The following AGMO variants were observed in gnomAD, a reference collection of about 807,000 sequenced individuals.
AGMO encodes the protein glyceryl-ether monooxygenase.
Under a neutral mutation model 60.2 loss-of-function variants are expected in AGMO, and 75 were observed. That is an observed-to-expected ratio of 1.25 (90% CI 1.03 to 1.51). The LOEUF is 1.51. Ranked by LOEUF, AGMO falls within the 40% of genes most tolerant of loss-of-function variation. The probability of loss-of-function intolerance (pLI) is 0.00; values close to 1 mark genes in which losing one functional copy is unlikely to be tolerated. For synonymous variants in AGMO, 261 were observed against 177.1 expected, an observed-to-expected ratio of 1.47 and a Z score of -3.76; for missense variants, 763 against 525.5, an observed-to-expected ratio of 1.45 and a Z score of -4.42.
intron 3 of AGMO, among the ~76,000 whole-genome samples, chr7:15,494,448 G>A (rs919845766): frequency 6.6e-6 from 1 of 152,100 alleles, no homozygotes; most frequent in African/African-American, 2.4e-5. Flanking sequence ...TGCAATTATA[G>A]TATAAATACA....
intron 2 of AGMO, among the ~76,000 whole-genome samples, chr7:15,547,196 C>G (rs546178787): frequency 2.6e-5 from 4 of 151,282 alleles, no homozygotes; most frequent in African/African-American, 9.6e-5. Flanking sequence ...CTCACCTCAG[C>G]TATGACTACA....
At chr7:15,545,050 G>C (rs945485886) in intron 2 of AGMO, 127 bp from the exon 3 acceptor site, 1 of 636,318 alleles carries the variant, frequency 1.6e-6, no homozygotes, top group Non-Finnish European at 2.3e-6. Flanking sequence ...CTTCTACTTT[G>C]TGTCTTCTAT....
the AGMO span, among the ~76,000 whole-genome samples, chr7:15,191,160 T>C: frequency 6.6e-6 from 1 of 152,190 alleles, no homozygotes; most frequent in Non-Finnish European, 1.5e-5. Context: ...AAAATTTCTA[T>C]TTTAAATAAA....
chr7:15,122,168 G>T, the AGMO span, among the ~76,000 whole-genome samples: 1 of 152,072 alleles, frequency 6.6e-6, no homozygotes, highest in African/African-American at 2.4e-5. Context: ...TTTGTCAAAG[G>T]TCTAATATCC....
chr7:15,157,249 A>G, the AGMO span, among the ~76,000 whole-genome samples: 2 of 152,194 alleles, frequency 1.3e-5, no homozygotes, highest in East Asian at 3.9e-4. Context: ...CAAATGAGGA[A>G]GGACCATGAG....
the AGMO span, among the ~76,000 whole-genome samples, chr7:15,165,689 C>G: frequency 6.6e-6 from 1 of 152,020 alleles, no homozygotes; most frequent in Admixed American, 6.6e-5. Context: ...CATTATGTTA[C>G]TTAAATGAAT....
intron 4 of AGMO, among the ~76,000 whole-genome samples, chr7:15,430,155 T>C (rs1481022050): frequency 6.6e-6 from 1 of 152,002 alleles, no homozygotes; most frequent in Non-Finnish European, 1.5e-5. Flanking sequence ...TGGCACATAG[T>C]ACGTACTTAT....
chr7:15,255,391 C>T (rs781053238), intron 12 of AGMO, among the ~76,000 whole-genome samples: 3 of 152,026 alleles, frequency 2.0e-5, no homozygotes, highest in Non-Finnish European at 4.4e-5. Flanking sequence ...CTGATATTTT[C>T]GCTGCCGAAT....
intron 12 of AGMO, among the ~76,000 whole-genome samples, chr7:15,338,453 T>G (rs1781731247): frequency 1.9e-5 from 2 of 104,940 alleles, no homozygotes; most frequent in Admixed American, 8.8e-5. Context: ...GATTTGGCAT[T>G]GTGATGCTCT....
intron 12 of AGMO, among the ~76,000 whole-genome samples, chr7:15,292,875 A>G (rs1296561838): frequency 6.8e-6 from 1 of 147,798 alleles, no homozygotes; most frequent in Non-Finnish European, 1.5e-5. Context: ...CTCCTGCCTC[A>G]ACCTACCGAG....
intron 12 of AGMO, among the ~76,000 whole-genome samples, chr7:15,359,183 G>GGA (rs369521018): frequency 4.0e-5 from 6 of 151,564 alleles, no homozygotes; most frequent in South Asian, 2.1e-4. Flanking sequence ...CAGCTACTCG[G>GGA]GAGGCTGAGG....
intron 12 of AGMO, among the ~76,000 whole-genome samples, chr7:15,324,572 C>G (rs1781278975): frequency 6.6e-6 from 1 of 152,154 alleles, no homozygotes; most frequent in Non-Finnish European, 1.5e-5. Context: ...TCCCCCTCAT[C>G]TCCCTCACTC....
chr7:15,390,539 A>T (rs2128485073), intron 8 of AGMO, 132 bp downstream of exon 8: 2 of 550,610 alleles, frequency 3.6e-6, no homozygotes, highest in East Asian at 6.3e-5. Flanking sequence ...GTTATTTGTA[A>T]ATTTTTTAAC....
chr7:15,532,319 G>A (rs532527513), intron 3 of AGMO, among the ~76,000 whole-genome samples: 58 of 152,288 alleles, frequency 3.8e-4, no homozygotes, highest in Non-Finnish European at 6.5e-4. Flanking sequence ...TCAAGAAACG[G>A]CAAAGCCCAT....
chr7:15,189,023 A>T, the AGMO span, among the ~76,000 whole-genome samples: 1 of 152,224 alleles, frequency 6.6e-6, no homozygotes, highest in Non-Finnish European at 1.5e-5. Context: ...AGCTGGAAGT[A>T]GAAGTGAGAT....
chr7:15,182,026 G>T, the AGMO span, among the ~76,000 whole-genome samples: 2 of 152,270 alleles, frequency 1.3e-5, no homozygotes, highest in South Asian at 4.1e-4. Flanking sequence ...ATATCATTCA[G>T]ACTTGAAAAC....
chr7:15,237,147 C>T (rs1782446863), intron 12 of AGMO, among the ~76,000 whole-genome samples: 1 of 152,056 alleles, frequency 6.6e-6, no homozygotes, highest in Non-Finnish European at 1.5e-5. Context: ...TCCGTATGTG[C>T]ATATATTCAC....
intron 2 of AGMO, among the ~76,000 whole-genome samples, chr7:15,559,096 C>G (rs932569646): frequency 6.6e-6 from 1 of 152,060 alleles, no homozygotes; most frequent in African/African-American, 2.4e-5. Flanking sequence ...ATAATGTACT[C>G]TTTCTAAAAA....
intron 12 of AGMO, among the ~76,000 whole-genome samples, chr7:15,242,604 C>T (rs1782623717): frequency 6.6e-6 from 1 of 152,022 alleles, no homozygotes; most frequent in African/African-American, 2.4e-5. Context: ...AACTGATCAA[C>T]AAATAACTAA....
Sources: allele counts gnomAD v4.1 joint callset (sites outside exome capture counted in the v4.1 genomes callset), GRCh38; gene constraint gnomAD v4.1.1; transcripts MANE v1.5; gene names NCBI Gene and HGNC (gene_info 2026-07-23, HGNC 2026-07-21).